Variants in ZMIZ1 observed in about 807,000 individuals in gnomAD.
The protein encoded by ZMIZ1 is zinc finger MIZ domain-containing protein 1.
ZMIZ1 carries 17 observed loss-of-function variants against 113.9 expected under a neutral mutation model. That is an observed-to-expected ratio of 0.15 (90% CI 0.10 to 0.22). The LOEUF (loss-of-function observed/expected upper bound fraction) is 0.22, where lower values mean the gene tolerates loss of function less well. Ranked by LOEUF, ZMIZ1 falls within the 10% of genes least tolerant of loss-of-function variation. The pLI is 1.00. For missense variants in ZMIZ1, 1,059 were observed against 1,477.8 expected (o/e 0.72, Z 4.65); for synonymous variants, 607 against 603.1 (o/e 1.01, Z -0.09).
At chr10:79,088,225 C>G in intron 1 of ZMIZ1, among the ~76,000 whole-genome samples, 1 of 152,244 alleles carries the variant, frequency 6.6e-6, no homozygotes, top group South Asian at 2.1e-4. Context: ...TCTGAGGATA[C>G]CTGTGAGCTT....
At chr10:79,199,289 C>T (rs149682328) in intron 4 of ZMIZ1, among the ~76,000 whole-genome samples, 4 of 152,096 alleles carry the variant, frequency 2.6e-5, no homozygotes, top group Non-Finnish European at 5.9e-5. Context: ...AGGGGAATCA[C>T]GAGATCAGGA....
intron 1 of ZMIZ1, among the ~76,000 whole-genome samples, chr10:79,086,411 C>T (rs1035995873): frequency 2.6e-5 from 4 of 152,364 alleles, no homozygotes; most frequent in Non-Finnish European, 5.9e-5. Context: ...AGTGAAAGCC[C>T]TCAGGTATCC....
At chr10:79,130,042 G>A (rs1844688270) in intron 2 of ZMIZ1, among the ~76,000 whole-genome samples, 1 of 152,124 alleles carries the variant, frequency 6.6e-6, no homozygotes, top group Non-Finnish European at 1.5e-5. Context: ...GCTGCGGGGA[G>A]ATGCCTAGGT....
intron 1 of ZMIZ1, among the ~76,000 whole-genome samples, chr10:79,088,084 T>G (rs1842869619): frequency 6.6e-6 from 1 of 152,222 alleles, no homozygotes; most frequent in South Asian, 2.1e-4. Flanking sequence ...ATGTGGACCA[T>G]GTGCATGGTC....
rs549306186 is a variant in ZMIZ1 at position 79,263,225 on chromosome 10, G to A, written c.281-13956G>A. On this transcript the variant is annotated intron_variant, in intron 7 of 24. Coordinates refer to ENST00000334512, the MANE Select transcript of ZMIZ1 (RefSeq NM_020338.4). ...CACAGCTGGCGTGGAGCCTGACCTC[G>A]TGGCTTCGGTCTTTGCAGGGTTTAG... Among the ~76,000 whole-genome samples, 72 of 152,366 alleles carry A rather than the reference G, an allele frequency of 4.7e-4. No individual in the cohort carries two copies. In the Middle Eastern group the frequency reaches 0.01, roughly 22 times the overall value.
intron 7 of ZMIZ1, among the ~76,000 whole-genome samples, chr10:79,242,109 G>A (rs922861134): frequency 6.6e-6 from 1 of 152,168 alleles, no homozygotes. Context: ...GAAAGAGGAA[G>A]GGGCGAAGAT....
At chr10:79,096,286 G>A (rs1033924882) in intron 1 of ZMIZ1, among the ~76,000 whole-genome samples, 2 of 152,130 alleles carry the variant, frequency 1.3e-5, no homozygotes, top group Non-Finnish European at 2.9e-5. Flanking sequence ...CGAGACAGGC[G>A]GATCACAAGG....
At chr10:79,134,446 C>T (rs552680703) in intron 2 of ZMIZ1, among the ~76,000 whole-genome samples, 1 of 152,358 alleles carries the variant, frequency 6.6e-6, no homozygotes, top group South Asian at 2.1e-4. Flanking sequence ...TGCTGGAGAA[C>T]TATGAGGACC....
intron 1 of ZMIZ1, among the ~76,000 whole-genome samples, chr10:79,088,530 C>T (rs894779604): frequency 3.9e-5 from 6 of 152,170 alleles, no homozygotes; most frequent in African/African-American, 1.2e-4. Context: ...TTTGTCGAGC[C>T]GGGAGTTGCC....
chr10:79,267,564 A>G (rs1474419940), intron 7 of ZMIZ1, among the ~76,000 whole-genome samples: 1 of 152,186 alleles, frequency 6.6e-6, no homozygotes, highest in African/African-American at 2.4e-5. Flanking sequence ...CAGAAGGGAA[A>G]ACCAAAGCAC....
chr10:79,293,260 G>A, intron 11 of ZMIZ1, 121 bp from the exon 12 acceptor site: 1 of 1,367,650 alleles, frequency 7.3e-7, no homozygotes, highest in Non-Finnish European at 9.9e-7. Context: ...CTGCCGCACA[G>A]GACAGTGCCC....
At chr10:79,274,093 G>GC (rs1307765959) in intron 7 of ZMIZ1, among the ~76,000 whole-genome samples, 3 of 151,992 alleles carry the variant, frequency 2.0e-5, no homozygotes, top group Admixed American at 1.3e-4. Context: ...GGTAAGTGGG[G>GC]CCCACAGGAC....
At chr10:79,087,937 A>G (rs1842865714) in intron 1 of ZMIZ1, among the ~76,000 whole-genome samples, 2 of 152,136 alleles carry the variant, frequency 1.3e-5, no homozygotes, top group South Asian at 4.1e-4. Context: ...TACCTTTAGA[A>G]TACCACAGCC....
Position 79,100,181 on chromosome 10 carries a change from C to T in ZMIZ1, c.-336-18734C>T, listed in dbSNP as rs552375204. On this transcript the variant is annotated intron_variant, in intron 1 of 24. Transcript: ENST00000334512. ...GGGGCTGGTGGCTGTGAACAAGAGC[C>T]CTGCTGAGGGGAGCCCCAGGGGGAC... Among the ~76,000 whole-genome samples the T allele has an allele frequency of 2.0e-5, 3 of 152,114 alleles. No homozygotes were observed. The East Asian group carries it at 5.8e-4, about 29-fold the overall frequency.
intron 2 of ZMIZ1, among the ~76,000 whole-genome samples, chr10:79,120,262 T>TG (rs1405957024): frequency 6.6e-6 from 1 of 152,188 alleles, no homozygotes; most frequent in African/African-American, 2.4e-5. Context: ...AGATAACACT[T>TG]GCGTGCACTT....
intron 7 of ZMIZ1, among the ~76,000 whole-genome samples, chr10:79,267,009 C>T (rs757332335): frequency 3.9e-5 from 6 of 152,254 alleles, no homozygotes; most frequent in South Asian, 4.1e-4. Flanking sequence ...CTCTGCCCAC[C>T]GCCCAGGCCT....
At chr10:79,178,832 C>G (rs1278475107) in intron 4 of ZMIZ1, among the ~76,000 whole-genome samples, 1 of 152,164 alleles carries the variant, frequency 6.6e-6, no homozygotes, top group Non-Finnish European at 1.5e-5. Flanking sequence ...GCTTCCTGCC[C>G]TTGGAGAGGG....
chr10:79,278,159 G>T (rs966412459), intron 8 of ZMIZ1, among the ~76,000 whole-genome samples: 1 of 152,324 alleles, frequency 6.6e-6, no homozygotes, highest in Admixed American at 6.5e-5. Flanking sequence ...TTAGAGGCTT[G>T]TTGACTTTCT....
intron 10 of ZMIZ1, 128 bp downstream of exon 10, chr10:79,291,304 G>T (rs1853480025): frequency 8.5e-7 from 1 of 1,182,492 alleles, no homozygotes. Context: ...GTTGTTACAT[G>T]AGTTGAAGGG....
Sources: gnomAD v4.1 joint callset for allele counts (sites outside exome capture counted in the v4.1 genomes callset) on GRCh38, gnomAD v4.1.1 for gene constraint, MANE v1.5 for transcripts, NCBI Gene and HGNC (gene_info 2026-07-23, HGNC 2026-07-21) for gene names.